Variants in TNFRSF10A observed in about 807,000 individuals in gnomAD.
TNFRSF10A encodes the protein TNF receptor superfamily member 10a.
A neutral mutation model predicts 42.8 loss-of-function variants in TNFRSF10A; 44 were observed. The observed-to-expected ratio is 1.03, with a 90% CI of 0.81 to 1.32. The LOEUF (loss-of-function observed/expected upper bound fraction) is 1.32, where lower values mean the gene tolerates loss of function less well. Ranked by LOEUF, TNFRSF10A falls within the 40% of genes most tolerant of loss-of-function variation. The probability of loss-of-function intolerance (pLI) is 0.00; values close to 1 mark genes in which losing one functional copy is unlikely to be tolerated. For synonymous variants in TNFRSF10A, 259 were observed against 234.2 expected (o/e 1.11, Z -0.97); for missense variants, 680 against 602.0 (o/e 1.13, Z -1.36).
At chr8:23,202,824 T>C in intron 2 of TNFRSF10A, 63 bp from the exon 3 acceptor site, 1 of 1,198,842 alleles carries the variant, frequency 8.3e-7, no homozygotes, top group Non-Finnish European at 1.2e-6. Context: ...ATCGTGGCGG[T>C]GGCTAGGAAA....
At chr8:23,212,687 T>A (rs892239972) in intron 1 of TNFRSF10A, among the ~76,000 whole-genome samples, 2 of 152,272 alleles carry the variant, frequency 1.3e-5, no homozygotes, top group Admixed American at 1.3e-4. Flanking sequence ...AATCTCTTTA[T>A]GCCCTTTCTT....
intron 1 of TNFRSF10A, among the ~76,000 whole-genome samples, chr8:23,219,779 C>G (rs1801232883): frequency 6.6e-6 from 1 of 152,230 alleles, no homozygotes; most frequent in African/African-American, 2.4e-5. Context: ...AGACCAACAG[C>G]AGACATGGGG....
chr8:23,197,248 C>T (rs1300867250), intron 8 of TNFRSF10A, 44 bp from the exon 9 acceptor site: 1 of 1,611,358 alleles, frequency 6.2e-7, no homozygotes, highest in African/African-American at 1.3e-5. Flanking sequence ...GTCAGGGGTC[C>T]TGCAGTCTAG....
chr8:23,194,235 TTTATTA>T (rs1800793886), intron 9 of TNFRSF10A, among the ~76,000 whole-genome samples: 1 of 152,232 alleles, frequency 6.6e-6, no homozygotes, highest in South Asian at 2.1e-4. Flanking sequence ...TGTATGTACA[TTTATTA>T]TTAAGTTACA....
chr8:23,221,151 C>T (rs569198104), intron 1 of TNFRSF10A, among the ~76,000 whole-genome samples: 71 of 152,346 alleles, frequency 4.7e-4, no homozygotes, highest in Non-Finnish European at 9.6e-4. Flanking sequence ...GGGTAGAGGA[C>T]AGGTGCTCTG....
At chr8:23,201,165 G>C (rs1026501093) in intron 4 of TNFRSF10A, among the ~76,000 whole-genome samples, 4 of 152,196 alleles carry the variant, frequency 2.6e-5, no homozygotes, top group Non-Finnish European at 4.4e-5. Flanking sequence ...CTGTCTGCTG[G>C]TTCCTCTCAA....
intron 6 of TNFRSF10A, 86 bp downstream of exon 6, chr8:23,200,419 G>A (rs1038072680): frequency 6.9e-7 from 1 of 1,459,466 alleles, no homozygotes; most frequent in Non-Finnish European, 9.6e-7. Context: ...CTAGGACTTG[G>A]GGCAGGGGTG....
chr8:23,201,561 G>A (rs1274488397), intron 4 of TNFRSF10A, among the ~76,000 whole-genome samples: 1 of 152,058 alleles, frequency 6.6e-6, no homozygotes, highest in Non-Finnish European at 1.5e-5. Context: ...CCTGGCCAAG[G>A]GGACTAGTGC....
chr8:23,195,737 C>T (rs1039895607), intron 9 of TNFRSF10A, among the ~76,000 whole-genome samples: 2 of 151,658 alleles, frequency 1.3e-5, no homozygotes, highest in African/African-American at 2.4e-5. Context: ...GAAGTGGGGC[C>T]GAGAGAGAGA....
rs1374838832 is a variant in TNFRSF10A at position 23,224,972 on chromosome 8, G to T, written c.90C>A (p.Ala30=). ...PGSAASGTEA[A]AATPSKVWGS... ...CCCACACTTTGCTGGGTGTGGCCGC[G>T]GCTGCCTCTGTCCCACTCGCTGCGC... The change falls in exon 1 of 10, where the codon GCC becomes GCA. Residue 30 remains alanine (A), a synonymous_variant. Transcript: ENST00000221132. 3 of 1,600,268 alleles carry T rather than the reference G, an allele frequency of 1.9e-6. No individual in the cohort carries two copies. The highest frequency in any genetic ancestry group is 2.3e-5 in the East Asian group (1 of 44,268).
At chr8:23,212,083 T>C (rs1801099980) in intron 2 of TNFRSF10A, 33 bp downstream of exon 2, 5 of 1,561,606 alleles carry the variant, frequency 3.2e-6, no homozygotes, top group Non-Finnish European at 3.5e-6. Flanking sequence ...AAAAGAGAGG[T>C]GTAAAGGATT....
At position 23,224,975 on chromosome 8, in the gene TNFRSF10A, T is replaced by C. The variant is rs529283154; in HGVS notation, c.87A>G (p.Ala29=). 3.1e-6 allele frequency: 5 copies of C among 1,601,468 alleles called. No individual in the cohort carries two copies. The East Asian group carries it at 1.1e-4, about 36-fold the overall frequency. Reference sequence around the variant, plus strand: ...ACACTTTGCTGGGTGTGGCCGCGGCTGCCTCTGTCCCACTCGCTGCGCTCC... The same window carrying C: ...ACACTTTGCTGGGTGTGGCCGCGGCCGCCTCTGTCCCACTCGCTGCGCTCC... ...NPGSAASGTE[A]AAATPSKVWG... The change falls in exon 1 of 10, where the codon GCA becomes GCG. Residue 29 remains alanine (A), a synonymous_variant. Coordinates refer to ENST00000221132, the MANE Select transcript of TNFRSF10A (RefSeq NM_003844.4).
chr8:23,212,437 T>C (rs970667567), intron 1 of TNFRSF10A, among the ~76,000 whole-genome samples: 7 of 152,272 alleles, frequency 4.6e-5, no homozygotes, highest in Non-Finnish European at 8.8e-5. Flanking sequence ...TGAATTTAAC[T>C]ACTCTACATA....
chr8:23,217,804 C>T (rs919756898), intron 1 of TNFRSF10A, among the ~76,000 whole-genome samples: 1 of 152,182 alleles, frequency 6.6e-6, no homozygotes, highest in Non-Finnish European at 1.5e-5. Context: ...AAGAAAAAGG[C>T]ACGACCCTCC....
At chr8:23,206,951 C>A in intron 2 of TNFRSF10A, 1 of 306,608 alleles carries the variant, frequency 3.3e-6, no homozygotes, top group South Asian at 3.8e-5. Context: ...AGCTCCTGCC[C>A]CTCCTAAAGC....
At position 23,190,734 on chromosome 8, in the gene TNFRSF10A, T is replaced by C. The variant is rs1048050658; in HGVS notation, c.*960A>G. The C allele has an allele frequency of 1.9e-4, 29 of 152,174 alleles. No individual in the cohort carries two copies. Among genetic ancestry groups the C allele is most frequent in the African/African-American group, 5.8e-4 (24 of 41,436 alleles). The allele number at this position is 152,174 out of a possible 1,614,324, so 9.4% of individuals were successfully genotyped here. ...GGGACTTATTGGAGGAATTAATGCA[T>C]CTGATAATGGAGGTTGAGAAGTTCC... On this transcript the variant is annotated 3_prime_UTR_variant, in exon 10 of 10. Transcript: ENST00000221132.
intron 2 of TNFRSF10A, among the ~76,000 whole-genome samples, chr8:23,203,159 C>T (rs991098266): frequency 6.6e-6 from 1 of 152,126 alleles, no homozygotes; most frequent in Admixed American, 6.5e-5. Context: ...ATTTTTCACT[C>T]ACTGCACATC....
intron 1 of TNFRSF10A, among the ~76,000 whole-genome samples, chr8:23,215,703 A>T (rs540609497): frequency 2.6e-5 from 4 of 152,254 alleles, no homozygotes; most frequent in African/African-American, 7.2e-5. Flanking sequence ...TATTCATAAG[A>T]TCCCACTATT....
intron 2 of TNFRSF10A, among the ~76,000 whole-genome samples, chr8:23,208,078 C>T (rs1009912399): frequency 6.6e-6 from 1 of 152,098 alleles, no homozygotes; most frequent in Non-Finnish European, 1.5e-5. Context: ...TTCCTAGAGA[C>T]TTGTTGAATG....
Sources: allele counts gnomAD v4.1 joint callset (sites outside exome capture counted in the v4.1 genomes callset), GRCh38; gene constraint gnomAD v4.1.1; transcripts MANE v1.5; gene names NCBI Gene and HGNC (gene_info 2026-07-23, HGNC 2026-07-21).